The following PCSK6 variants were observed in gnomAD, a reference collection of about 807,000 sequenced individuals.
The protein encoded by PCSK6 is paired basic amino acid cleaving enzyme 4.
In PCSK6, 85 loss-of-function variants were observed where a neutral mutation model predicts 123.3. That is an observed-to-expected ratio of 0.69 (90% confidence interval 0.58 to 0.83). The LOEUF (loss-of-function observed/expected upper bound fraction) is 0.83, where lower values mean the gene tolerates loss of function less well. PCSK6 is among the 40% of genes least tolerant of loss of function. PCSK6 has a pLI of 0.00. For missense variants in PCSK6, 1,191 were observed against 1,282.3 expected (o/e 0.93, Z 1.09); for synonymous variants, 508 against 516.0 (o/e 0.98, Z 0.21).
chr15:101,411,178 C>T (rs1431290154), intron 6 of PCSK6, among the ~76,000 whole-genome samples: 2 of 152,124 alleles, frequency 1.3e-5, no homozygotes, highest in East Asian at 1.9e-4. Context: ...GGGGTCCTGG[C>T]GCGAGGACTT....
At chr15:101,353,974 G>A (rs1567160146) in intron 13 of PCSK6, among the ~76,000 whole-genome samples, 3 of 152,124 alleles carry the variant, frequency 2.0e-5, no homozygotes, top group Admixed American at 1.3e-4. Flanking sequence ...AGCACTTCTC[G>A]GGCACTGTTT....
intron 4 of PCSK6, 23 bp from the exon 5 acceptor site, chr15:101,430,086 G>C (rs540498169): frequency 1.0e-5 from 16 of 1,604,840 alleles, no homozygotes; most frequent in East Asian, 8.9e-5. Flanking sequence ...ATCGTGGTGA[G>C]TGAGGAGAAA....
intron 1 of PCSK6, among the ~76,000 whole-genome samples, chr15:101,451,638 T>A (rs1275480611): frequency 2.0e-5 from 3 of 152,242 alleles, no homozygotes; most frequent in Non-Finnish European, 4.4e-5. Flanking sequence ...GCTCCGCAGC[T>A]GCAGCGTGCC....
chr15:101,438,505 G>T (rs1368031820), intron 2 of PCSK6, among the ~76,000 whole-genome samples: 14 of 152,188 alleles, frequency 9.2e-5, no homozygotes. Flanking sequence ...ATGATATGTG[G>T]CCTTGACCCT....
chr15:101,436,181 G>GC (rs2056595223), intron 2 of PCSK6, among the ~76,000 whole-genome samples: 1 of 152,176 alleles, frequency 6.6e-6, no homozygotes, highest in South Asian at 2.1e-4. Context: ...GCTCAGGAAG[G>GC]CCCCTAGAAG....
chr15:101,347,830 G>A (rs2040776343), intron 13 of PCSK6: 1 of 1,449,658 alleles, frequency 6.9e-7, no homozygotes, highest in Non-Finnish European at 9.7e-7. Flanking sequence ...TTATTGGGAG[G>A]TGCAATCCCA....
At position 101,489,678 on chromosome 15, in the gene PCSK6, A is replaced by ACAGGCTCGCGCGGCGC. The variant is rs2058130123; in HGVS notation, c.-24_-9dup. 1.0e-6 allele frequency: 1 copy of ACAGGCTCGCGCGGCGC among 970,770 alleles called. No homozygotes were observed. The highest frequency in any genetic ancestry group is 6.5e-5 in the Admixed American group (1 of 15,396). The allele number at this position is 970,770 out of a possible 1,614,324, so 60.1% of individuals were successfully genotyped here. ...CGGCGCGCGCGGAGGCATAGCGGCG[A>ACAGGCTCGCGCGGCGC]CAGGCTCGCGCGGCGCCCGAGCTGC... On this transcript the variant is annotated 5_prime_UTR_variant, in exon 1 of 22. Coordinates refer to ENST00000611716, the MANE Select transcript of PCSK6 (RefSeq NM_002570.5).
At chr15:101,348,253 C>G (rs1405441548) in intron 13 of PCSK6, among the ~76,000 whole-genome samples, 1 of 152,182 alleles carries the variant, frequency 6.6e-6, no homozygotes, top group Non-Finnish European at 1.5e-5. Context: ...GTGGGGGAGG[C>G]TGGGGGAGCC....
At chr15:101,375,191 G>A (rs952231626) in intron 11 of PCSK6, among the ~76,000 whole-genome samples, 32 of 152,106 alleles carry the variant, frequency 2.1e-4, no homozygotes, top group African/African-American at 6.0e-4. Context: ...GACCTCAGGC[G>A]ATCCGCCCGC....
At chr15:101,394,398 C>T (rs1201020086) in intron 7 of PCSK6, among the ~76,000 whole-genome samples, 1 of 152,150 alleles carries the variant, frequency 6.6e-6, no homozygotes, top group Non-Finnish European at 1.5e-5. Flanking sequence ...TGATTTCTGA[C>T]CACACTGAGA....
chr15:101,487,400 C>T (rs997368005), intron 1 of PCSK6, among the ~76,000 whole-genome samples: 2 of 152,196 alleles, frequency 1.3e-5, no homozygotes, highest in African/African-American at 4.8e-5. Flanking sequence ...TGCATCGGGG[C>T]GAATCTTCTC....
chr15:101,375,242 G>A (rs917124209), intron 11 of PCSK6, among the ~76,000 whole-genome samples: 3 of 152,174 alleles, frequency 2.0e-5, no homozygotes, highest in Admixed American at 6.5e-5. Context: ...CGTGAGCCAC[G>A]GCGCCCGGCC....
chr15:101,331,346 C>T (rs1484978125), intron 15 of PCSK6, among the ~76,000 whole-genome samples: 1 of 152,226 alleles, frequency 6.6e-6, no homozygotes, highest in East Asian at 1.9e-4. Context: ...GTCTTTAACC[C>T]TAGGCCTCCA....
At chr15:101,315,544 G>C (rs1191953491) in intron 19 of PCSK6, among the ~76,000 whole-genome samples, 3 of 152,254 alleles carry the variant, frequency 2.0e-5, no homozygotes, top group African/African-American at 7.2e-5. Context: ...CCTTTGTTCA[G>C]AAAGCTGGAA....
chr15:101,346,950 G>A (rs1008142214), intron 13 of PCSK6: 87 of 1,231,588 alleles, frequency 7.1e-5, no homozygotes, highest in East Asian at 1.9e-4. Flanking sequence ...GGGGAAAGGC[G>A]TCACTGTCAC....
At chr15:101,436,693 A>G (rs1185394876) in intron 2 of PCSK6, among the ~76,000 whole-genome samples, 1 of 152,114 alleles carries the variant, frequency 6.6e-6, no homozygotes, top group Non-Finnish European at 1.5e-5. Context: ...CTCTCCCTCC[A>G]CACTGTAAAG....
chr15:101,333,222 T>C (rs865836648), intron 13 of PCSK6, among the ~76,000 whole-genome samples: 2 of 152,170 alleles, frequency 1.3e-5, no homozygotes, highest in African/African-American at 4.8e-5. Context: ...TCACCCCACA[T>C]AGTTGAGGGG....
In PCSK6 at chr15:101,318,421, G is replaced by A; in HGVS notation, c.2467C>T (p.Leu823Phe). ...TCAGGAATGCAGCTGCCCCGTGCAA[G>A]GCTGTTGAAAAGAAAGAGGCAGATT... ...KCTVCKEGFS[L>F]ARGSCIPDCE... Residue 823 changes from leucine (L) to phenylalanine (F), a missense_variant and splice_region_variant, in exon 19 of 22, where the codon CTT becomes TTT. Transcript: ENST00000611716. 1.3e-6 allele frequency: 2 copies of A among 1,555,306 alleles called. No individual in the cohort carries two copies. Among genetic ancestry groups the A allele is most frequent in the Non-Finnish European group, 8.7e-7 (1 of 1,149,098 alleles).
chr15:101,326,052 C>T (rs368815754), intron 16 of PCSK6, among the ~76,000 whole-genome samples: 2 of 152,270 alleles, frequency 1.3e-5, no homozygotes, highest in African/African-American at 4.8e-5. Flanking sequence ...CCTTGAATCG[C>T]ATCCGTCTCC....
Sources: allele counts gnomAD v4.1 joint callset (sites outside exome capture counted in the v4.1 genomes callset), GRCh38; gene constraint gnomAD v4.1.1; transcripts MANE v1.5; gene names NCBI Gene and HGNC (gene_info 2026-07-23, HGNC 2026-07-21).